Variants in MALT1 observed in about 807,000 individuals in gnomAD.
MALT1 encodes the protein MALT1 paracaspase, also known as mucosa-associated lymphoid tissue lymphoma translocation protein 1.
A neutral mutation model predicts 85.5 loss-of-function variants in MALT1; 36 were observed. That is an observed-to-expected ratio of 0.42 (90% CI 0.32 to 0.56). MALT1 has a LOEUF of 0.56. Among genes scored for constraint, MALT1 ranks in the 20% least tolerant of loss-of-function variants. The pLI is 0.10. For missense variants in MALT1, 716 were observed against 981.6 expected, an observed-to-expected ratio of 0.73 and a Z score of 3.62; for synonymous variants, 359 against 361.3, an observed-to-expected ratio of 0.99 and a Z score of 0.07.
At chr18:58,705,124 TTTA>T (rs1449578180) in intron 4 of MALT1, among the ~76,000 whole-genome samples, 1 of 152,184 alleles carries the variant, frequency 6.6e-6, no homozygotes, top group Admixed American at 6.5e-5. Flanking sequence ...TAGTGGCTGT[TTTA>T]GAGATTACAG....
intron 4 of MALT1, among the ~76,000 whole-genome samples, chr18:58,706,781 C>T (rs371163300): frequency 6.6e-6 from 1 of 152,120 alleles, no homozygotes; most frequent in Admixed American, 6.5e-5. Flanking sequence ...TTAAAGATGC[C>T]ATTCCATTGT....
chr18:58,744,388 T>C lies in MALT1; in HGVS notation c.1804T>C (p.Leu602=). The change falls in exon 15 of 17, where the codon TTA becomes CTA. Residue 602 remains leucine, a synonymous_variant. Transcript: ENST00000649217. The stretch of plus-strand genomic sequence containing the variant: ...GTTTGACTGTGGTGTTCAGATTCAA[T>C]TAGGATTTGCAGCTGAGTTTTCCAA... ...LKFDCGVQIQ[L]GFAAEFSNVM... is the part of the protein sequence containing the mutation. The C allele has an allele frequency of 6.2e-7, 1 of 1,610,950 alleles. No homozygotes were observed. Among genetic ancestry groups the C allele is most frequent in the Non-Finnish European group, 8.5e-7 (1 of 1,178,126 alleles).
In MALT1 at chr18:58,671,692, C is replaced by T. The variant is rs2054163065; in HGVS notation, c.49C>T (p.Pro17Ser). Residue 17 changes from proline to serine, a missense_variant, in exon 1 of 17, where the codon CCC becomes TCC. Physicochemically the swap from Pro to Ser is moderately conservative, Grantham distance 74. Around this residue, in one of 4 missense-constraint regions of MALT1, gnomAD observed 80 missense variants for 65.1 expected, o/e 1.23. Transcript: ENST00000649217. ...ACAGGCCCTGCCGCCCTCGGCCGCC[C>T]CCACGGGGCCGCTGCTCGCCCCTCC... is the stretch of plus-strand genomic sequence containing the variant. The part of the protein sequence containing the change: ...PLQALPPSAA[P>S]TGPLLAPPAG... The T allele has an allele frequency of 3.2e-6, 4 of 1,254,808 alleles. No homozygotes were observed. The South Asian group carries it at 9.2e-5, about 29-fold the overall frequency. 77.7% of individuals were successfully genotyped at this position (1,254,808 alleles called of 1,614,324 possible).
At position 58,750,535 on chromosome 18, in the gene MALT1, A is replaced by G. The variant is rs987156020; in HGVS notation, c.*2693A>G. 6.6e-5 allele frequency: 10 copies of G among 152,264 alleles called. No homozygotes were observed. Among genetic ancestry groups the G allele is most frequent in the Non-Finnish European group, 1.2e-4 (8 of 68,046 alleles). 9.4% of individuals were successfully genotyped at this position (152,264 alleles called of 1,614,324 possible). Reference sequence around the variant, plus strand: ...AGACAGTGTAGGCATATGGATAGACATATCGATCAGAGGAATGGAACTGAA... The same window carrying G: ...AGACAGTGTAGGCATATGGATAGACGTATCGATCAGAGGAATGGAACTGAA... On this transcript the variant is annotated 3_prime_UTR_variant, in exon 17 of 17. Transcript: ENST00000649217.
chr18:58,707,991 A>G (rs563894361), intron 4 of MALT1, among the ~76,000 whole-genome samples: 8 of 152,306 alleles, frequency 5.3e-5, no homozygotes, highest in Admixed American at 5.2e-4. Flanking sequence ...TTATTGGACC[A>G]CTGAAGCATT....
intron 9 of MALT1, among the ~76,000 whole-genome samples, chr18:58,718,614 A>G (rs1263325665): frequency 1.3e-5 from 2 of 152,220 alleles, no homozygotes; most frequent in African/African-American, 2.4e-5. Context: ...GTCTTCCACA[A>G]AACTGGTCCC....
intron 4 of MALT1, among the ~76,000 whole-genome samples, chr18:58,701,006 T>C (rs1158194660): frequency 6.6e-6 from 1 of 152,106 alleles, no homozygotes; most frequent in African/African-American, 2.4e-5. Context: ...TTGGCCAGGC[T>C]GGTCTTGAAC....
At chr18:58,710,311 T>C (rs1201549693) in intron 6 of MALT1, among the ~76,000 whole-genome samples, 2 of 152,246 alleles carry the variant, frequency 1.3e-5, no homozygotes, top group East Asian at 3.8e-4. Flanking sequence ...TAAATTATTT[T>C]AGTTACAGTT....
intron 2 of MALT1, among the ~76,000 whole-genome samples, chr18:58,685,883 G>A (rs1291654530): frequency 6.6e-6 from 1 of 151,940 alleles, no homozygotes; most frequent in Non-Finnish European, 1.5e-5. Flanking sequence ...TGGATGTGTT[G>A]AAAGGGTTTT....
At chr18:58,710,110 A>C in intron 6 of MALT1, 38 bp downstream of exon 6, 1 of 1,312,682 alleles carries the variant, frequency 7.6e-7, no homozygotes. Flanking sequence ...CAAGTGGACT[A>C]TAATATAAGC....
At chr18:58,682,194 A>G (rs565263343) in intron 2 of MALT1, among the ~76,000 whole-genome samples, 4 of 152,358 alleles carry the variant, frequency 2.6e-5, no homozygotes, top group East Asian at 3.8e-4. Flanking sequence ...TGGTTATGAT[A>G]TATTTTTAAG....
At position 58,687,013 on chromosome 18, in the gene MALT1, A is replaced by G. The variant is rs2054414693; in HGVS notation, c.376+5677A>G. On this transcript the variant is annotated intron_variant, in intron 2 of 16. Transcript: ENST00000649217. ...AACTCAATACCATTTCCATAATGCTAGGAAATTTCTGAATTAAGAAACTTA... is the reference window on the plus strand; with the variant it reads ...AACTCAATACCATTTCCATAATGCTGGGAAATTTCTGAATTAAGAAACTTA... Among the ~76,000 whole-genome samples the G allele has an allele frequency of 3.9e-5, 6 of 152,246 alleles. No individual in the cohort carries two copies. In the South Asian group the frequency reaches 1.2e-3, roughly 31 times the overall value.
At chr18:58,678,456 C>T (rs546658611) in intron 1 of MALT1, among the ~76,000 whole-genome samples, 14 of 151,742 alleles carry the variant, frequency 9.2e-5, no homozygotes, top group East Asian at 5.8e-4. Flanking sequence ...TTTATGTCTG[C>T]GTGTGTGTGT....
At chr18:58,672,248 C>T (rs1455256115) in intron 1 of MALT1, 1 of 165,104 alleles carries the variant, frequency 6.1e-6, no homozygotes, top group African/African-American at 2.4e-5. Context: ...GGACACTGCT[C>T]TGGGAGACCT....
chr18:58,708,086 C>T (rs1195197575), intron 4 of MALT1, among the ~76,000 whole-genome samples: 1 of 152,202 alleles, frequency 6.6e-6, no homozygotes, highest in Non-Finnish European at 1.5e-5. Flanking sequence ...CCCAGCCAGC[C>T]TTGGAAAGCA....
chr18:58,705,087 C>T (rs1466981620), intron 4 of MALT1, among the ~76,000 whole-genome samples: 1 of 152,036 alleles, frequency 6.6e-6, no homozygotes, highest in Non-Finnish European at 1.5e-5. Flanking sequence ...CCTTTATTGA[C>T]TTTAGCTGTG....
At position 58,709,572 on chromosome 18, in the gene MALT1, T is replaced by G. The variant is rs2054803881; in HGVS notation, c.828+16T>G. 6.4e-7 allele frequency: 1 copy of G among 1,574,056 alleles called. No homozygotes were observed. Among genetic ancestry groups the G allele is most frequent in the South Asian group, 1.2e-5 (1 of 84,476 alleles). On this transcript the variant is annotated intron_variant, in intron 5 of 16. Transcript: ENST00000649217. ...GCTATACATGGTAGGAAGTTGATTT[T>G]GGGGTCTTTTGGGGGAGTTAACATG...
rs375662132 is a variant in MALT1, at chr18:58,681,349, C to T, written c.376+13C>T. The T allele has an allele frequency of 5.3e-5, 86 of 1,607,972 alleles. No individual in the cohort carries two copies. The highest frequency in any genetic ancestry group is 7.2e-5 in the Non-Finnish European group (85 of 1,177,112). The stretch of plus-strand genomic sequence containing the variant: ...CTCAGCCCCCCAGGTAGGTTTTGTT[C>T]TTAGGATTATTCTCCAGGAGTTCAT... On this transcript the variant is annotated intron_variant, in intron 2 of 16. Coordinates refer to ENST00000649217, the MANE Select transcript of MALT1 (RefSeq NM_006785.4).
intron 15 of MALT1, 62 bp downstream of exon 15, chr18:58,744,557 TTTAAAACTTAAAGTTGATGGTAAATA>T: frequency 9.5e-7 from 1 of 1,050,608 alleles, no homozygotes; most frequent in Admixed American, 2.7e-5. Context: ...GACTAAATTT[TTTAAAACTTAAAGTTGATGGTAAATA>T]TAAAGGAAAT....
Sources: allele counts gnomAD v4.1 joint callset (sites outside exome capture counted in the v4.1 genomes callset), GRCh38; gene constraint gnomAD v4.1.1; regional missense constraint gnomAD v4.1.1; transcripts MANE v1.5; gene names NCBI Gene and HGNC (gene_info 2026-07-23, HGNC 2026-07-21).